Variants in PITPNM2 observed in about 807,000 individuals in gnomAD.
The protein encoded by PITPNM2 is phosphatidylinositol transfer protein membrane associated 2, also known as membrane-associated phosphatidylinositol transfer protein 2.
In PITPNM2, 35 loss-of-function variants were observed where a neutral mutation model predicts 132.2. That is an observed-to-expected ratio of 0.26 (90% CI 0.20 to 0.35). PITPNM2 has a LOEUF of 0.35. PITPNM2 is among the 10% of genes least tolerant of loss of function. The pLI is 1.00. For missense variants in PITPNM2, 1,332 were observed against 1,912.0 expected (o/e 0.70, Z 5.66); for synonymous variants, 738 against 799.2 (o/e 0.92, Z 1.29).
rs1167032855 is a variant in PITPNM2 at position 123,064,717 on chromosome 12, G to A, written c.-95-30032C>T. Among the ~76,000 whole-genome samples the A allele has an allele frequency of 6.6e-6, 1 of 152,214 alleles. No homozygotes were observed. Among genetic ancestry groups the A allele is most frequent in the East Asian group, 1.9e-4 (1 of 5,202 alleles). On this transcript the variant is annotated intron_variant, in intron 2 of 25. Transcript: ENST00000320201. The surrounding 1 kb of genome is among the most constrained non-coding windows in gnomAD (Gnocchi z 4.0). ...CAGGAACAGGAGAAAATCAGGGAAG[G>A]TTGTGGGGGTAAGCACATCACCCTC...
rs1189778605 is a variant in PITPNM2 at position 123,058,768 on chromosome 12, C to T, written c.-95-24083G>A. ...CATTTGCTCAAGTGCTCAACCCCTG[C>T]TGGTTCTTTTGTGGAAAAAGCCCTT... is the stretch of plus-strand genomic sequence containing the variant. On this transcript the variant is annotated intron_variant, in intron 2 of 25. Coordinates refer to ENST00000320201, the MANE Select transcript of PITPNM2 (RefSeq NM_020845.3). The surrounding 1 kb of genome is among the most constrained non-coding windows in gnomAD (Gnocchi z 4.0). Among the ~76,000 whole-genome samples the T allele has an allele frequency of 2.0e-5, 3 of 152,228 alleles. No individual in the cohort carries two copies. Among genetic ancestry groups the T allele is most frequent in the Admixed American group, 1.3e-4 (2 of 15,280 alleles).
intron 2 of PITPNM2, among the ~76,000 whole-genome samples, chr12:123,098,674 G>A (rs2042474010): frequency 6.6e-6 from 1 of 152,162 alleles, no homozygotes; most frequent in Admixed American, 6.5e-5. Flanking sequence ...TGCAAATGGA[G>A]AAGAGGAAGC....
intron 2 of PITPNM2, among the ~76,000 whole-genome samples, chr12:123,052,299 T>C (rs1248002475): frequency 6.6e-6 from 1 of 152,088 alleles, no homozygotes; most frequent in Non-Finnish European, 1.5e-5. Flanking sequence ...CATCACAAAG[T>C]GCCACAAACT....
chr12:123,018,288 CTTTTCTTTTT>C (rs1486520808), intron 3 of PITPNM2, among the ~76,000 whole-genome samples: 5 of 113,202 alleles, frequency 4.4e-5, no homozygotes, highest in Non-Finnish European at 7.4e-5. Context: ...TTTCTTTTTT[CTTTTCTTTTT>C]TTTTTTTTTT....
intron 2 of PITPNM2, among the ~76,000 whole-genome samples, chr12:123,049,482 CTA>C (rs1011171832): frequency 1.1e-4 from 17 of 152,236 alleles, no homozygotes; most frequent in East Asian, 5.8e-4. Context: ...TAGGAAATCA[CTA>C]TGTTAGCTCT....
intron 1 of PITPNM2, among the ~76,000 whole-genome samples, chr12:123,133,791 A>AACACACAC (rs536799715): frequency 0.011 from 956 of 89,854 alleles, 19 homozygotes; most frequent in African/African-American, 0.026. Context: ...ATTATTAATG[A>AACACACAC]ACACACACAC....
intron 2 of PITPNM2, among the ~76,000 whole-genome samples, chr12:123,071,565 G>A (rs1372277159): frequency 2.0e-5 from 3 of 152,308 alleles, no homozygotes; most frequent in East Asian, 1.9e-4. Flanking sequence ...CTAAGACACC[G>A]CACTGGCTCT....
rs1165477860 is a variant in PITPNM2 at position 123,097,944 on chromosome 12, G to C, written c.-96+12441C>G. On this transcript the variant is annotated intron_variant, in intron 2 of 25. Transcript: ENST00000320201. The surrounding 1 kb of genome is among the most constrained non-coding windows in gnomAD (Gnocchi z 4.7). The stretch of plus-strand genomic sequence containing the variant: ...GGCCTTGGCCCTCTGTAGTGATGCA[G>C]GGGACATGTCGAAAATGATACATCA... Among the ~76,000 whole-genome samples the C allele has an allele frequency of 6.6e-6, 1 of 152,226 alleles. No individual in the cohort carries two copies. Among genetic ancestry groups the C allele is most frequent in the Admixed American group, 6.5e-5 (1 of 15,290 alleles).
Position 123,083,954 on chromosome 12 carries a change from C to T in PITPNM2, c.-96+26431G>A, listed in dbSNP as rs1031553467. 2 of 152,424 alleles carry T rather than the reference C, an allele frequency of 1.3e-5. No individual in the cohort carries two copies. Among genetic ancestry groups the T allele is most frequent in the African/African-American group, 2.4e-5 (1 of 41,594 alleles). The allele number at this position is 152,424 out of a possible 1,614,324, so 9.4% of individuals were successfully genotyped here. Reference sequence around the variant, plus strand: ...CTTGGTGAATTGAAATCAGGTGGACCACCTCCCCAACCTCAGCAAGCCTGC... The same window carrying T: ...CTTGGTGAATTGAAATCAGGTGGACTACCTCCCCAACCTCAGCAAGCCTGC... On this transcript the variant is annotated intron_variant, in intron 2 of 25. Transcript: ENST00000320201. The surrounding 1 kb of genome is among the most constrained non-coding windows in gnomAD (Gnocchi z 4.5).
At chr12:123,107,808 G>T (rs2042753331) in intron 2 of PITPNM2, among the ~76,000 whole-genome samples, 1 of 152,224 alleles carries the variant, frequency 6.6e-6, no homozygotes, top group African/African-American at 2.4e-5. Flanking sequence ...GATCTGGGGG[G>T]AAAGGATGGC....
At chr12:123,126,367 C>G (rs1230678831) in intron 1 of PITPNM2, among the ~76,000 whole-genome samples, 1 of 152,132 alleles carries the variant, frequency 6.6e-6, no homozygotes, top group Non-Finnish European at 1.5e-5. Context: ...ACAATCCAGT[C>G]TGGCAAGCAA....
chr12:122,996,404 G>A (rs1479299882), intron 13 of PITPNM2, 54 bp downstream of exon 13: 2 of 1,602,506 alleles, frequency 1.2e-6, no homozygotes, highest in East Asian at 2.2e-5. Context: ...GCCACCCTGG[G>A]GGCGTGCAGG....
chr12:123,030,833 A>G (rs2040063183), intron 3 of PITPNM2, among the ~76,000 whole-genome samples: 1 of 152,240 alleles, frequency 6.6e-6, no homozygotes, highest in Non-Finnish European at 1.5e-5. Flanking sequence ...GCACTGACAC[A>G]TGCTATGACA....
intron 3 of PITPNM2, 121 bp downstream of exon 3, chr12:123,034,391 CA>C (rs2040201754): frequency 2.2e-6 from 2 of 890,486 alleles, no homozygotes; most frequent in Admixed American, 4.2e-5. Flanking sequence ...TCACACTTAC[CA>C]GGAAGTTCTG....
intron 1 of PITPNM2, among the ~76,000 whole-genome samples, chr12:123,119,188 T>G (rs1331443141): frequency 6.6e-6 from 1 of 152,142 alleles, no homozygotes; most frequent in Non-Finnish European, 1.5e-5. Context: ...GGGGGATTTC[T>G]CCAATGATCT....
intron 2 of PITPNM2, among the ~76,000 whole-genome samples, chr12:123,048,505 C>A (rs2136621593): frequency 6.6e-6 from 1 of 152,172 alleles, no homozygotes; most frequent in East Asian, 1.9e-4. Flanking sequence ...CTCTGCTTCC[C>A]CGGTTCACGT....
At chr12:123,101,171 T>C (rs559620602) in intron 2 of PITPNM2, among the ~76,000 whole-genome samples, 1 of 152,334 alleles carries the variant, frequency 6.6e-6, no homozygotes, top group African/African-American at 2.4e-5. Flanking sequence ...TGGTCAAAGT[T>C]TTTTCAAACC....
chr12:123,008,609 T>C lies in PITPNM2; in HGVS notation c.643+1241A>G, dbSNP rs1445358980. ...AGGTTTGGGCCAATCTAAGCTCCCA[T>C]GGGGTTAGAGAGATGGATTGTGGGA... On this transcript the variant is annotated intron_variant, in intron 6 of 25. Transcript: ENST00000320201. This position sits in a 1 kb window ranked among gnomAD's most constrained non-coding sequence, Gnocchi z 4.1. Among the ~76,000 whole-genome samples, 1 of 152,100 alleles carries C rather than the reference T, an allele frequency of 6.6e-6. No individual in the cohort carries two copies. Among genetic ancestry groups the C allele is most frequent in the Non-Finnish European group, 1.5e-5 (1 of 68,000 alleles).
rs561379237 is a variant in PITPNM2 at position 122,984,316 on chromosome 12, A to C, written c.*1711T>G. The C allele has an allele frequency of 3.4e-4, 52 of 152,756 alleles. No individual in the cohort carries two copies. The highest frequency in any genetic ancestry group is 1.2e-3 in the African/African-American group (50 of 41,572). 9.5% of individuals were successfully genotyped at this position (152,756 alleles called of 1,614,324 possible). A position where few individuals can be genotyped will look rare whatever the true frequency, so the allele number is the denominator to read the frequency against. On this transcript the variant is annotated 3_prime_UTR_variant, in exon 26 of 26. Transcript: ENST00000320201. Reference sequence around the variant, plus strand: ...GATAAGGTGGGGCCAAGAGAGGAGGAGGCACTGGCCACAGGGCCCCTGACA... The same window carrying C: ...GATAAGGTGGGGCCAAGAGAGGAGGCGGCACTGGCCACAGGGCCCCTGACA...
Sources: allele counts gnomAD v4.1 joint callset (sites outside exome capture counted in the v4.1 genomes callset), GRCh38; gene constraint gnomAD v4.1.1; non-coding constraint Gnocchi (gnomAD v3.1); transcripts MANE v1.5; gene names NCBI Gene and HGNC (gene_info 2026-07-23, HGNC 2026-07-21).